The following MTMR2 variants were observed in gnomAD, a reference collection of about 807,000 sequenced individuals.
MTMR2 encodes phosphatidylinositol-3,5-bisphosphate 3-phosphatase MTMR2.
Under a neutral mutation model 86.9 loss-of-function variants are expected in MTMR2, and 55 were observed. The observed-to-expected ratio is 0.63, with a 90% confidence interval of 0.51 to 0.79. The LOEUF (loss-of-function observed/expected upper bound fraction) is 0.79, where lower values mean the gene tolerates loss of function less well. Among genes scored for constraint, MTMR2 ranks in the 30% least tolerant of loss-of-function variants. MTMR2 has a pLI of 0.00. For synonymous variants in MTMR2, 241 were observed against 266.8 expected (o/e 0.90, Z 0.94); for missense variants, 659 against 772.3 (o/e 0.85, Z 1.74).
chr11:95,865,141 A>G (rs1483321600), intron 3 of MTMR2, among the ~76,000 whole-genome samples: 1 of 152,188 alleles, frequency 6.6e-6, no homozygotes, highest in Non-Finnish European at 1.5e-5. Context: ...TCATCCAAAA[A>G]TTAACCTGAC....
intron 1 of MTMR2, among the ~76,000 whole-genome samples, chr11:95,908,486 A>T (rs1273928979): frequency 6.6e-6 from 1 of 152,162 alleles, no homozygotes; most frequent in African/African-American, 2.4e-5. Context: ...TTAGAAAAAA[A>T]CTATTCTAAA....
At chr11:95,894,049 A>C (rs112718259) in intron 1 of MTMR2, among the ~76,000 whole-genome samples, 4,737 of 152,200 alleles carry the variant, frequency 0.031, 129 homozygotes, top group South Asian at 0.072. Context: ...CTACATATCC[A>C]GCTGTAGTTT....
At chr11:95,896,049 CCCTCTCCCCTT>C (rs1369939853) in intron 1 of MTMR2, among the ~76,000 whole-genome samples, 2 of 152,102 alleles carry the variant, frequency 1.3e-5, no homozygotes, top group East Asian at 3.9e-4. Context: ...CTTTGTATCT[CCCTCTCCCCTT>C]GCTCTCCCCA....
intron 4 of MTMR2, 54 bp from the exon 5 acceptor site, chr11:95,862,156 A>G: frequency 6.5e-7 from 1 of 1,535,440 alleles, no homozygotes; most frequent in Non-Finnish European, 9.0e-7. Context: ...CTGTCCAATT[A>G]TAGAGCTGAT....
chr11:95,914,101 G>A, intron 1 of MTMR2: 3 of 745,632 alleles, frequency 4.0e-6, no homozygotes, highest in Non-Finnish European at 4.9e-6. Flanking sequence ...TAAGGACAGG[G>A]ACTTGGAAAT....
At chr11:95,848,037 C>T in intron 9 of MTMR2, 138 bp from the exon 10 acceptor site, 1 of 818,008 alleles carries the variant, frequency 1.2e-6, no homozygotes, top group Non-Finnish European at 2.0e-6. Context: ...GTGGATGGCT[C>T]AGGACAACTT....
intron 1 of MTMR2, among the ~76,000 whole-genome samples, chr11:95,919,332 T>C (rs1866825795): frequency 6.6e-6 from 1 of 152,228 alleles, no homozygotes; most frequent in African/African-American, 2.4e-5. Context: ...AATTTATAAA[T>C]GCAATTAGTT....
intron 2 of MTMR2, among the ~76,000 whole-genome samples, chr11:95,880,823 G>C (rs1326514303): frequency 1.3e-5 from 2 of 151,852 alleles, no homozygotes; most frequent in Non-Finnish European, 1.5e-5. Flanking sequence ...GCATATTTGG[G>C]TACTAATCTT....
chr11:95,923,446 A>C (rs1195062508), intron 1 of MTMR2, among the ~76,000 whole-genome samples: 2 of 152,174 alleles, frequency 1.3e-5, no homozygotes, highest in Non-Finnish European at 2.9e-5. Context: ...GCAAGAACCC[A>C]AAAACCAAAG....
At chr11:95,889,637 TG>T (rs1241698756) in intron 1 of MTMR2, among the ~76,000 whole-genome samples, 13 of 152,068 alleles carry the variant, frequency 8.5e-5, no homozygotes, top group African/African-American at 2.9e-4. Context: ...ATTTCATGCA[TG>T]GGCTACCGTG....
At chr11:95,872,348 G>A (rs1864922460) in intron 2 of MTMR2, among the ~76,000 whole-genome samples, 1 of 152,164 alleles carries the variant, frequency 6.6e-6, no homozygotes, top group Admixed American at 6.5e-5. Context: ...TCCCTTGTAA[G>A]TTGGATTCCT....
At chr11:95,861,889 G>A (rs1002190413) in intron 5 of MTMR2, 103 bp downstream of exon 5, 33 of 895,902 alleles carry the variant, frequency 3.7e-5, no homozygotes, top group Non-Finnish European at 4.9e-5. Context: ...ATTTCTAATT[G>A]GAAATCCATT....
intron 1 of MTMR2, among the ~76,000 whole-genome samples, chr11:95,921,956 C>T (rs1866944255): frequency 6.6e-6 from 1 of 152,074 alleles, no homozygotes; most frequent in African/African-American, 2.4e-5. Flanking sequence ...CAAGTGGCAC[C>T]GTTAGGTATA....
At chr11:95,909,675 A>G (rs1213939013) in intron 1 of MTMR2, among the ~76,000 whole-genome samples, 1 of 151,990 alleles carries the variant, frequency 6.6e-6, no homozygotes, top group Non-Finnish European at 1.5e-5. Flanking sequence ...TTCCACAAAC[A>G]TTTACTGATA....
chr11:95,880,003 T>C (rs2135527759), intron 2 of MTMR2, among the ~76,000 whole-genome samples: 1 of 152,102 alleles, frequency 6.6e-6, no homozygotes, highest in South Asian at 2.1e-4. Context: ...TTTAAGTTTA[T>C]TCCTAGATAT....
At position 95,857,582 on chromosome 11, in the gene MTMR2, T is replaced by C. The variant is rs979063255; in HGVS notation, c.624A>G (p.Leu208=). 1.8e-5 allele frequency: 29 copies of C among 1,612,418 alleles called. No individual in the cohort carries two copies. The African/African-American group carries it at 3.2e-4, about 18-fold the overall frequency. The change falls in exon 7 of 15, where the codon CTA becomes CTG. Residue 208 remains leucine (L), a synonymous_variant. Transcript: ENST00000346299. Reference sequence around the variant, plus strand: ...TTCTATACTCTAAAAGAGGGTCATATAGCTTCCACCCATTTTCAGGGAATA... The same window carrying C: ...TTCTATACTCTAAAAGAGGGTCATACAGCTTCCACCCATTTTCAGGGAATA... ...KEVFPENGWK[L]YDPLLEYRRQ... is the part of the protein sequence containing the mutation.
At chr11:95,879,063 A>G (rs1264616628) in intron 2 of MTMR2, among the ~76,000 whole-genome samples, 2 of 152,126 alleles carry the variant, frequency 1.3e-5, no homozygotes, top group Non-Finnish European at 2.9e-5. Context: ...GCTGGAATTG[A>G]ACAGATGTCT....
intron 2 of MTMR2, among the ~76,000 whole-genome samples, chr11:95,872,279 T>A (rs1864920128): frequency 6.6e-6 from 1 of 152,212 alleles, no homozygotes. Flanking sequence ...CATTTGTTTG[T>A]ATCCTCTTTT....
chr11:95,888,311 C>T (rs1865587230), intron 1 of MTMR2, 50 bp from the exon 2 acceptor site: 6 of 1,221,268 alleles, frequency 4.9e-6, no homozygotes, highest in Non-Finnish European at 6.0e-6. Context: ...GCTTCAAAGA[C>T]CAATTTCAGA....
Sources: allele counts gnomAD v4.1 joint callset (sites outside exome capture counted in the v4.1 genomes callset), GRCh38; gene constraint gnomAD v4.1.1; transcripts MANE v1.5; gene names NCBI Gene and HGNC (gene_info 2026-07-23, HGNC 2026-07-21).